TSEN2: variants seen among roughly 807,000 people sequenced by gnomAD.
TSEN2 encodes tRNA-splicing endonuclease subunit Sen2.
A neutral mutation model predicts 59.2 loss-of-function variants in TSEN2; 54 were observed. The ratio of observed to expected loss-of-function variants is 0.91; its 90% CI spans 0.73 to 1.14. The LOEUF (loss-of-function observed/expected upper bound fraction) is 1.14. Ranked by LOEUF, TSEN2 falls within the 50% of genes most tolerant of loss-of-function variation. TSEN2 has a pLI of 0.00. For synonymous variants in TSEN2, 195 were observed against 198.2 expected (o/e 0.98, Z 0.14); for missense variants, 636 against 576.2 (o/e 1.10, Z -1.06).
chr3:12,506,554 C>T (rs1173165725), intron 6 of TSEN2, among the ~76,000 whole-genome samples: 1 of 149,652 alleles, frequency 6.7e-6, no homozygotes, highest in Non-Finnish European at 1.5e-5. Flanking sequence ...GAGGTCACGC[C>T]ACTGCACAAG....
chr3:12,525,249 G>A (rs527549717), intron 8 of TSEN2, among the ~76,000 whole-genome samples: 1 of 152,206 alleles, frequency 6.6e-6, no homozygotes, highest in South Asian at 2.1e-4. Context: ...AGGTTTTCCT[G>A]CTGTGGTGAT....
Position 12,516,442 on chromosome 3 carries a change from ATATATG to A in TSEN2, c.910-167_910-162del, listed in dbSNP as rs370112322. ...TCCGTTTCAAAAACAAACAAACAAAATATATGTGTGTGTGTGTGTGTGTGTGTGTGT... is the reference window on the plus strand; with the variant it reads ...TCCGTTTCAAAAACAAACAAACAAAATGTGTGTGTGTGTGTGTGTGTGTGT... On this transcript the variant is annotated intron_variant, in intron 6 of 11. Coordinates refer to ENST00000284995, the MANE Select transcript of TSEN2 (RefSeq NM_025265.4). 0.21 allele frequency among the ~76,000 whole-genome samples: 18,582 copies of A among 88,906 alleles called. 1,258 individuals are homozygous for A. Among genetic ancestry groups the A allele is most frequent in the African/African-American group, 0.22 (5,320 of 24,440 alleles). 58.3% of individuals were successfully genotyped at this position (88,906 alleles called of 152,430 possible). A position where few individuals can be genotyped will look rare whatever the true frequency, so the allele number is the denominator to read the frequency against.
intron 3 of TSEN2, among the ~76,000 whole-genome samples, 172 bp from the exon 4 acceptor site, chr3:12,496,346 G>A (rs1365317282): frequency 6.6e-6 from 1 of 152,200 alleles, no homozygotes; most frequent in South Asian, 2.1e-4. Flanking sequence ...CAAGGGTATG[G>A]GTTCAGGGAA....
At position 12,503,593 on chromosome 3, in the gene TSEN2, G is replaced by A. The variant is rs2054518177; in HGVS notation, c.640G>A (p.Ala214Thr). ...CTTTGAGAAAAGCGTGCGAGAGGAT[G>A]CCTCACCTCTGCCCCATGTCTGTTG... The part of the protein sequence containing the change: ...ESFEKSVRED[A>T]SPLPHVCCCK... The change falls in exon 5 of 12, where the codon GCC (alanine) becomes ACC (threonine). Residue 214 changes from alanine to threonine, a missense_variant. Coordinates refer to ENST00000284995, the MANE Select transcript of TSEN2 (RefSeq NM_025265.4). 1 of 1,598,292 alleles carries A rather than the reference G, an allele frequency of 6.3e-7. No individual in the cohort carries two copies. Among genetic ancestry groups the A allele is most frequent in the African/African-American group, 1.3e-5 (1 of 74,670 alleles).
At chr3:12,524,206 C>T (rs568413372) in intron 8 of TSEN2, among the ~76,000 whole-genome samples, 1 of 152,334 alleles carries the variant, frequency 6.6e-6, no homozygotes, top group South Asian at 2.1e-4. Context: ...TGTAGGATTA[C>T]AGGCGTGAGC....
At chr3:12,522,376 A>G (rs1339121237) in intron 8 of TSEN2, among the ~76,000 whole-genome samples, 2 of 152,166 alleles carry the variant, frequency 1.3e-5, no homozygotes, top group East Asian at 3.8e-4. Flanking sequence ...TACAATTAAT[A>G]CATTAATTGT....
chr3:12,507,205 A>G (rs1008262736), intron 6 of TSEN2, among the ~76,000 whole-genome samples: 2 of 152,210 alleles, frequency 1.3e-5, no homozygotes, highest in Admixed American at 6.5e-5. Flanking sequence ...AAATAAAATA[A>G]AATAGAATAA....
chr3:12,519,179 A>G lies in TSEN2; in HGVS notation c.1081A>G (p.Lys361Glu). 1.2e-6 allele frequency: 2 copies of G among 1,614,236 alleles called. No individual in the cohort carries two copies. Among genetic ancestry groups the G allele is most frequent in the Non-Finnish European group, 1.7e-6 (2 of 1,180,040 alleles). Residue 361 changes from lysine to glutamate, a missense_variant, in exon 8 of 12, where the codon AAG (lysine) becomes GAG (glutamate). Physicochemically the swap from Lys to Glu is moderately conservative, Grantham distance 56. Coordinates refer to ENST00000284995, the MANE Select transcript of TSEN2 (RefSeq NM_025265.4). ...SKGWVPKVGL[K>E]YGTDLLLYRK... ...GGGCTGGGTGCCCAAAGTGGGACTC[A>G]AGTACGGGACAGATTTACGTAAGTA... is the stretch of plus-strand genomic sequence containing the variant.
upstream of TSEN2, among the ~76,000 whole-genome samples, chr3:12,481,897 A>ATGTGTGTGTGTGTG (rs151178256): frequency 2.3e-3 from 341 of 150,100 alleles, 4 homozygotes; most frequent in East Asian, 0.013. Flanking sequence ...CAGTTGATAT[A>ATGTGTGTGTGTGTG]TGTGTGTGTG....
chr3:12,483,529 A>C (rs917953931), upstream of TSEN2, among the ~76,000 whole-genome samples: 2 of 152,234 alleles, frequency 1.3e-5, no homozygotes, highest in African/African-American at 4.8e-5. Flanking sequence ...CTAAAGGCTG[A>C]CCAGGAATTA....
downstream of TSEN2, among the ~76,000 whole-genome samples, chr3:12,537,172 A>T (rs2057691156): frequency 6.6e-6 from 1 of 152,140 alleles, no homozygotes; most frequent in Admixed American, 6.5e-5. Flanking sequence ...GCACTTTGGG[A>T]GGCTTAAGTG....
intron 6 of TSEN2, among the ~76,000 whole-genome samples, 164 bp from the exon 7 acceptor site, chr3:12,516,441 AATATAT>A (rs746712826): frequency 3.6e-5 from 2 of 56,064 alleles, no homozygotes; most frequent in African/African-American, 4.6e-5. Flanking sequence ...AAACAAACAA[AATATAT>A]GTGTGTGTGT....
At chr3:12,510,155 T>C (rs1178450800) in intron 6 of TSEN2, among the ~76,000 whole-genome samples, 2 of 152,254 alleles carry the variant, frequency 1.3e-5, no homozygotes, top group Non-Finnish European at 2.9e-5. Context: ...AAAGAGCTGC[T>C]AACATCTAGA....
rs182837891 is a variant in TSEN2, at chr3:12,484,678, G to T, written c.-220G>T. On this transcript the variant is annotated 5_prime_UTR_variant, in exon 1 of 12. Transcript: ENST00000284995. ...GGCCGAGACAGTGCCGGGACGGGGAGCCAGGCTTCCGAGTGCGCCCGGTCA... is the reference window on the plus strand; with the variant it reads ...GGCCGAGACAGTGCCGGGACGGGGATCCAGGCTTCCGAGTGCGCCCGGTCA... 4 of 152,300 alleles carry T rather than the reference G, an allele frequency of 2.6e-5. No individual in the cohort carries two copies. The highest frequency in any genetic ancestry group is 4.8e-5 in the African/African-American group (2 of 41,474). The allele number at this position is 152,300 out of a possible 1,614,324, so 9.4% of individuals were successfully genotyped here.
intron 6 of TSEN2, among the ~76,000 whole-genome samples, chr3:12,511,630 A>G (rs1024268436): frequency 6.0e-5 from 9 of 150,904 alleles, no homozygotes; most frequent in African/African-American, 2.2e-4. Context: ...GCAGTGGTAC[A>G]ATATTGGCTC....
At chr3:12,533,941 A>G (rs998171844), downstream of TSEN2, among the ~76,000 whole-genome samples, 8 of 152,322 alleles carry the variant, frequency 5.3e-5, no homozygotes, top group African/African-American at 1.7e-4. Context: ...TTATCCCTGC[A>G]GCAGCCTTGT....
Position 12,496,531 on chromosome 3 carries a change from C to A in TSEN2, c.285C>A (p.Asn95Lys). 6.2e-7 allele frequency: 1 copy of A among 1,614,112 alleles called. No homozygotes were observed. The highest frequency in any genetic ancestry group is 8.5e-7 in the Non-Finnish European group (1 of 1,180,022). The change falls in exon 4 of 12, where the codon AAC becomes AAA. Residue 95 changes from asparagine (N) to lysine (K), a missense_variant. Coordinates refer to ENST00000284995, the MANE Select transcript of TSEN2 (RefSeq NM_025265.4). The stretch of plus-strand genomic sequence containing the variant: ...TCTTTGTTCCAGATATGAAGACAAA[C>A]ATGCCTATCATCACATCAAAGAGGT... ...LVAKWKDMKT[N>K]MPIITSKRYQ...
At chr3:12,539,137 C>CTTTTTTT in intron 10 of TSEN2, 2 of 370,760 alleles carry the variant, frequency 5.4e-6, no homozygotes, top group Non-Finnish European at 5.3e-6. Context: ...GTGCTTTTTT[C>CTTTTTTT]TTTTTTTTTT....
At chr3:12,526,455 A>T (rs2057091070) in intron 8 of TSEN2, among the ~76,000 whole-genome samples, 1 of 152,216 alleles carries the variant, frequency 6.6e-6, no homozygotes, top group Non-Finnish European at 1.5e-5. Context: ...CGTGCTGAAC[A>T]GGTTTGTAGC....
Sources: allele counts gnomAD v4.1 joint callset (sites outside exome capture counted in the v4.1 genomes callset), GRCh38; gene constraint gnomAD v4.1.1; transcripts MANE v1.5; gene names NCBI Gene and HGNC (gene_info 2026-07-23, HGNC 2026-07-21).